PRKG2: variants seen among roughly 807,000 people sequenced by gnomAD.
PRKG2 encodes protein kinase cGMP-dependent 2, also known as cGMP-dependent protein kinase 2.
A neutral mutation model predicts 97.2 loss-of-function variants in PRKG2; 33 were observed. That is an observed-to-expected ratio of 0.34 (90% CI 0.26 to 0.45). The LOEUF (loss-of-function observed/expected upper bound fraction) is 0.45. PRKG2 is among the 20% of genes least tolerant of loss of function. The pLI is 1.00. For missense variants in PRKG2, 638 were observed against 900.0 expected (o/e 0.71, Z 3.73); for synonymous variants, 330 against 321.8 (o/e 1.03, Z -0.27).
At chr4:81,147,924 T>C (rs1748013271) in intron 9 of PRKG2, among the ~76,000 whole-genome samples, 1 of 152,126 alleles carries the variant, frequency 6.6e-6, no homozygotes, top group African/African-American at 2.4e-5. Context: ...AAAAATAGTG[T>C]GGAGATAGCA....
chr4:81,163,490 C>T (rs980676389), intron 6 of PRKG2, among the ~76,000 whole-genome samples: 2 of 152,120 alleles, frequency 1.3e-5, no homozygotes, highest in African/African-American at 4.8e-5. Flanking sequence ...AGAGCAGGTA[C>T]ACATATTTAT....
At position 81,087,595 on chromosome 4, in the gene PRKG2, T is replaced by C. The variant is rs1403078196; in HGVS notation, c.*2113A>G. 1 of 152,146 alleles carries C rather than the reference T, an allele frequency of 6.6e-6. No homozygotes were observed. The allele number at this position is 152,146 out of a possible 1,614,324, so 9.4% of individuals were successfully genotyped here. A position where few individuals can be genotyped will look rare whatever the true frequency, so the allele number is the denominator to read the frequency against. The stretch of plus-strand genomic sequence containing the variant: ...CGGGCAAAAGACTCTCTACATAACT[T>C]AATCCCTGAAACAAACCTCTAAGTA... On this transcript the variant is annotated 3_prime_UTR_variant, in exon 19 of 19. Transcript: ENST00000264399.
At chr4:81,140,738 G>C (rs998998317) in intron 11 of PRKG2, 69 bp from the exon 12 acceptor site, 34 of 1,357,418 alleles carry the variant, frequency 2.5e-5, no homozygotes, top group Non-Finnish European at 3.3e-5. Context: ...ATCAATGAGA[G>C]TTAAAACTGT....
rs1232872020 is a variant in PRKG2, at chr4:81,153,680, C to T, written c.954G>A (p.Glu318=). Residue 318 remains glutamate, a synonymous_variant, in exon 7 of 19, where the codon GAG becomes GAA. Transcript: ENST00000264399. The part of the protein sequence containing the change: ...DKGDYIIREG[E]EGSTFFILAK... ...CCAAAATGAAAAAGGTACTTCCTTCCTCGCCCTCTCTAATGATGTAATCTC... is the reference window on the plus strand; with the variant it reads ...CCAAAATGAAAAAGGTACTTCCTTCTTCGCCCTCTCTAATGATGTAATCTC... 1 of 1,604,608 alleles carries T rather than the reference C, an allele frequency of 6.2e-7. No homozygotes were observed. The highest frequency in any genetic ancestry group is 1.3e-5 in the African/African-American group (1 of 74,840).
intron 1 of PRKG2, among the ~76,000 whole-genome samples, chr4:81,206,364 G>A (rs1200587622): frequency 2.0e-5 from 3 of 152,104 alleles, no homozygotes; most frequent in African/African-American, 7.2e-5. Context: ...TCATGGGGGC[G>A]GATCTTTCCC....
intron 14 of PRKG2, among the ~76,000 whole-genome samples, chr4:81,112,826 T>C (rs1744119081): frequency 6.6e-6 from 1 of 152,210 alleles, no homozygotes; most frequent in African/African-American, 2.4e-5. Context: ...AATCACGCTA[T>C]GTCTGTCTTG....
intron 8 of PRKG2, 80 bp from the exon 9 acceptor site, chr4:81,149,032 T>C: frequency 7.3e-7 from 1 of 1,373,764 alleles, no homozygotes; most frequent in Non-Finnish European, 1.0e-6. Context: ...TGTACTAACT[T>C]TGTATGAAAA....
intron 1 of PRKG2, among the ~76,000 whole-genome samples, chr4:81,209,064 G>A (rs775736470): frequency 8.5e-5 from 13 of 152,182 alleles, no homozygotes; most frequent in East Asian, 3.9e-4. Flanking sequence ...GACAGCAATC[G>A]AATGAGTAGT....
intron 14 of PRKG2, among the ~76,000 whole-genome samples, chr4:81,119,615 T>G (rs1043854107): frequency 9.2e-5 from 14 of 152,152 alleles, no homozygotes; most frequent in African/African-American, 3.4e-4. Context: ...TATATAAATT[T>G]TAGAATGAGT....
chr4:81,193,207 T>C (rs1301422194), intron 2 of PRKG2: 1 of 152,172 alleles, frequency 6.6e-6, no homozygotes, highest in Admixed American at 6.5e-5. Flanking sequence ...TTTCATAGCT[T>C]AATTATATCT....
chr4:81,114,077 A>G (rs1397550129), intron 14 of PRKG2, among the ~76,000 whole-genome samples: 2 of 152,144 alleles, frequency 1.3e-5, no homozygotes, highest in African/African-American at 4.8e-5. Context: ...ACCCCAGGAC[A>G]AACAGGAAAT....
chr4:81,118,636 T>G (rs1049578400), intron 14 of PRKG2, among the ~76,000 whole-genome samples: 2 of 152,244 alleles, frequency 1.3e-5, no homozygotes, highest in African/African-American at 4.8e-5. Flanking sequence ...CATTATTTAA[T>G]CAAGTTGTTT....
chr4:81,131,043 T>C (rs1746125827), intron 14 of PRKG2, among the ~76,000 whole-genome samples: 1 of 152,186 alleles, frequency 6.6e-6, no homozygotes, highest in South Asian at 2.1e-4. Flanking sequence ...AGAAAAAAAC[T>C]TCTGCAGCTA....
intron 6 of PRKG2, among the ~76,000 whole-genome samples, chr4:81,163,481 G>A (rs1214134673): frequency 6.6e-6 from 1 of 152,224 alleles, no homozygotes; most frequent in East Asian, 1.9e-4. Context: ...ACACACACAA[G>A]AGCAGGTACA....
At chr4:81,177,915 A>G (rs893426514) in intron 2 of PRKG2, among the ~76,000 whole-genome samples, 1 of 151,746 alleles carries the variant, frequency 6.6e-6, no homozygotes, top group Non-Finnish European at 1.5e-5. Context: ...CATTTCCTAC[A>G]AGGCAGTTGC....
intron 11 of PRKG2, 113 bp downstream of exon 11, chr4:81,142,681 C>T (rs1471905004): frequency 3.1e-6 from 4 of 1,275,776 alleles, no homozygotes; most frequent in Non-Finnish European, 3.1e-6. Context: ...CAGTTCAAAG[C>T]AACATTTAAG....
At chr4:81,104,281 C>A in intron 17 of PRKG2, 89 bp downstream of exon 17, 1 of 867,164 alleles carries the variant, frequency 1.2e-6, no homozygotes. Context: ...TGGAAAGGGA[C>A]CTTTGTGGCC....
chr4:81,159,470 A>C (rs1274359840), intron 6 of PRKG2, among the ~76,000 whole-genome samples: 1 of 152,156 alleles, frequency 6.6e-6, no homozygotes, highest in African/African-American at 2.4e-5. Flanking sequence ...CAGGTGCTGG[A>C]GAGGATGTGG....
chr4:81,189,066 T>TTAAAAAAAAAAAAAAA (rs1560615683), intron 2 of PRKG2, among the ~76,000 whole-genome samples: 1 of 17,062 alleles, frequency 5.9e-5, no homozygotes, highest in Non-Finnish European at 7.7e-5. Flanking sequence ...AAAAAAATAA[T>TTAAAAAAAAAAAAAAA]AAAAAAAAAA....
Sources: allele counts gnomAD v4.1 joint callset (sites outside exome capture counted in the v4.1 genomes callset), GRCh38; gene constraint gnomAD v4.1.1; transcripts MANE v1.5; gene names NCBI Gene and HGNC (gene_info 2026-07-23, HGNC 2026-07-21).